The following EFHC2 variants were observed in gnomAD, a reference collection of about 807,000 sequenced individuals.
EFHC2 encodes EF-hand domain-containing family member C2.
EFHC2 carries 18 observed loss-of-function variants against 52.7 expected under a neutral mutation model. The observed-to-expected ratio is 0.34, with a 90% CI of 0.24 to 0.51. The LOEUF (loss-of-function observed/expected upper bound fraction) is 0.51, where lower values mean the gene tolerates loss of function less well. Among genes scored for constraint, EFHC2 ranks in the 20% least tolerant of loss-of-function variants. The probability of loss-of-function intolerance (pLI) is 0.97; values close to 1 mark genes in which losing one functional copy is unlikely to be tolerated. For synonymous variants in EFHC2, 203 were observed against 204.1 expected (o/e 0.99, Z 0.04); for missense variants, 513 against 562.5 (o/e 0.91, Z 0.89).
intron 11 of EFHC2, among the ~76,000 whole-genome samples, chrX:44,207,511 TAAA>T (rs765899710): frequency 2.1e-5 from 2 of 94,254 alleles, no homozygotes; most frequent in Non-Finnish European, 2.1e-5. Flanking sequence ...ACTCCGTCTC[TAAA>T]AAAAAAAAAA....
At chrX:44,224,332 A>C (rs1309049089) in intron 11 of EFHC2, among the ~76,000 whole-genome samples, 1 of 111,869 alleles carries the variant, frequency 8.9e-6, no homozygotes, top group Non-Finnish European at 1.9e-5. Flanking sequence ...AAGAATTTTA[A>C]TATCAGTATC....
At chrX:44,163,683 T>C (rs1317220042) in intron 14 of EFHC2, among the ~76,000 whole-genome samples, 5 of 111,854 alleles carry the variant, frequency 4.5e-5, no homozygotes, top group Non-Finnish European at 7.5e-5. Context: ...TATAATTGGA[T>C]GCGATCGAGG....
At chrX:44,302,847 G>T (rs1475060715) in intron 2 of EFHC2, among the ~76,000 whole-genome samples, 1 of 111,567 alleles carries the variant, frequency 9.0e-6, no homozygotes, top group East Asian at 2.8e-4. Flanking sequence ...TTTCGGGTAT[G>T]GTTTAATGGT....
intron 4 of EFHC2, among the ~76,000 whole-genome samples, chrX:44,258,604 G>T (rs1289454491): frequency 1.8e-5 from 2 of 110,891 alleles, no homozygotes; most frequent in African/African-American, 6.6e-5. Flanking sequence ...TTAGAATGGC[G>T]ATCACTGGGA....
intron 11 of EFHC2, among the ~76,000 whole-genome samples, chrX:44,201,393 C>T (rs2037005007): frequency 9.1e-6 from 1 of 110,326 alleles, no homozygotes; most frequent in Admixed American, 9.6e-5. Flanking sequence ...AATAAGAATA[C>T]AAATTGATGA....
At chrX:44,330,553 C>T (rs1298527769) in intron 1 of EFHC2, among the ~76,000 whole-genome samples, 4 of 110,860 alleles carry the variant, frequency 3.6e-5, no homozygotes, top group Non-Finnish European at 7.6e-5. Flanking sequence ...GCCTGTAATC[C>T]CAACTACTTG....
chrX:44,293,414 T>G (rs1180932837), intron 2 of EFHC2, among the ~76,000 whole-genome samples: 1 of 111,395 alleles, frequency 9.0e-6, no homozygotes, highest in Non-Finnish European at 1.9e-5. Context: ...TAGGCACTTT[T>G]TTTTACAGTT....
intron 4 of EFHC2, among the ~76,000 whole-genome samples, chrX:44,251,544 T>C (rs1181332540): frequency 1.2e-5 from 1 of 81,356 alleles, no homozygotes; most frequent in African/African-American, 4.9e-5. Context: ...GAGGTTGCAG[T>C]GAGCCGAGAT....
At chrX:44,185,542 C>A (rs1399855919) in intron 11 of EFHC2, among the ~76,000 whole-genome samples, 3 of 104,125 alleles carry the variant, frequency 2.9e-5, no homozygotes, top group East Asian at 5.9e-4. Context: ...AATAATAAGT[C>A]TTTTTTTTTT....
intron 11 of EFHC2, among the ~76,000 whole-genome samples, chrX:44,222,381 GAT>G (rs1426322194): frequency 1.8e-5 from 2 of 111,630 alleles, no homozygotes; most frequent in Admixed American, 1.9e-4. Flanking sequence ...AGAGGCACCA[GAT>G]ATATATATTC....
intron 1 of EFHC2, among the ~76,000 whole-genome samples, chrX:44,326,251 G>A (rs1347417624): frequency 9.0e-6 from 1 of 110,632 alleles, no homozygotes; most frequent in Non-Finnish European, 1.9e-5. Context: ...AAGGAGAGGA[G>A]GTGGGGAGAG....
At chrX:44,319,512 T>C (rs1378447752) in intron 1 of EFHC2, among the ~76,000 whole-genome samples, 1 of 111,709 alleles carries the variant, frequency 9.0e-6, no homozygotes, top group Non-Finnish European at 1.9e-5. Context: ...TCTTCCTCTA[T>C]CCTCTTCCTT....
chrX:44,300,296 T>C (rs754483223), intron 2 of EFHC2, among the ~76,000 whole-genome samples: 53 of 111,276 alleles, frequency 4.8e-4, no homozygotes, highest in African/African-American at 1.7e-3. Context: ...TCAAAATAAC[T>C]ATAATTAGTG....
At chrX:44,196,666 A>G (rs1477206039) in intron 11 of EFHC2, among the ~76,000 whole-genome samples, 1 of 112,304 alleles carries the variant, frequency 8.9e-6, no homozygotes, top group Non-Finnish European at 1.9e-5. Context: ...AAGTTGGTGG[A>G]GACAGCTGCT....
chrX:44,277,258 CAAA>C (rs753856788), intron 2 of EFHC2, among the ~76,000 whole-genome samples: 4 of 21,811 alleles, frequency 1.8e-4, no homozygotes, highest in Admixed American at 1.2e-3. Flanking sequence ...GACTCCAGCT[CAAA>C]AAAAAAAAAA....
Position 44,148,785 on chromosome X carries a change from A to G in EFHC2, c.*10T>C, listed in dbSNP as rs1178945320. On this transcript the variant is annotated 3_prime_UTR_variant, in exon 15 of 15. Transcript: ENST00000420999. ...AGTAAATCATAGAGAATTGACCAAA[A>G]CTGGCATGGTTATTCCTCCTCTAAG... 2.6e-6 allele frequency: 3 copies of G among 1,166,731 alleles called. No homozygotes were observed. In the Admixed American group the frequency reaches 7.6e-5, roughly 30 times the overall value.
intron 1 of EFHC2, among the ~76,000 whole-genome samples, chrX:44,315,152 TTCTC>T (rs1362250282): frequency 9.0e-6 from 1 of 110,587 alleles, no homozygotes; most frequent in East Asian, 2.9e-4. Flanking sequence ...GACCTCCCCC[TTCTC>T]TCTCTTTCTC....
chrX:44,251,924 T>A (rs2037454496), intron 4 of EFHC2, among the ~76,000 whole-genome samples: 1 of 111,345 alleles, frequency 9.0e-6, no homozygotes, highest in African/African-American at 3.3e-5. Flanking sequence ...TATGTTTGAC[T>A]CCGTATTAAT....
chrX:44,308,571 T>G (rs2037922988), intron 2 of EFHC2, among the ~76,000 whole-genome samples: 1 of 111,369 alleles, frequency 9.0e-6, no homozygotes, highest in African/African-American at 3.3e-5. Flanking sequence ...AAGAAGCTCC[T>G]TGCCCTGAGA....
Sources: gnomAD v4.1 joint callset for allele counts (sites outside exome capture counted in the v4.1 genomes callset) on GRCh38, gnomAD v4.1.1 for gene constraint, MANE v1.5 for transcripts, NCBI Gene and HGNC (gene_info 2026-07-23, HGNC 2026-07-21) for gene names.